ODR4: variants seen among roughly 807,000 people sequenced by gnomAD.
ODR4 encodes the protein odr-4 GPCR localization factor homolog.
In ODR4, 47 loss-of-function variants were observed where a neutral mutation model predicts 60.2. The ratio of observed to expected loss-of-function variants is 0.78; its 90% CI spans 0.62 to 1.00. The LOEUF is 1.00. Among genes scored for constraint, ODR4 ranks in the 50% least tolerant of loss-of-function variants. ODR4 has a pLI of 0.00. For missense variants in ODR4, 488 were observed against 530.8 expected (o/e 0.92, Z 0.79); for synonymous variants, 178 against 175.5 (o/e 1.01, Z -0.11).
intron 12 of ODR4, among the ~76,000 whole-genome samples, chr1:186,415,897 G>C (rs1037215091): frequency 2.0e-5 from 3 of 152,132 alleles, no homozygotes; most frequent in Admixed American, 2.0e-4. Flanking sequence ...AACCTCCCAG[G>C]TTATGTTTTC....
intron 9 of ODR4, among the ~76,000 whole-genome samples, chr1:186,396,759 A>AGATG (rs1553236029): frequency 6.6e-6 from 1 of 151,976 alleles, no homozygotes; most frequent in Non-Finnish European, 1.5e-5. Flanking sequence ...ATAGATAGAT[A>AGATG]TATGTATATA....
At chr1:186,418,208 T>G (rs1188840388) in intron 13 of ODR4, among the ~76,000 whole-genome samples, 1 of 152,096 alleles carries the variant, frequency 6.6e-6, no homozygotes, top group African/African-American at 2.4e-5. Flanking sequence ...TGTCATTCAT[T>G]AGATAAATTT....
intron 3 of ODR4, among the ~76,000 whole-genome samples, chr1:186,385,141 C>T (rs765383923): frequency 2.6e-5 from 4 of 151,726 alleles, no homozygotes; most frequent in Non-Finnish European, 4.4e-5. Context: ...TCTATGAATG[C>T]AGAAAGATGT....
chr1:186,382,937 T>C, intron 2 of ODR4, 85 bp from the exon 3 acceptor site: 1 of 1,383,614 alleles, frequency 7.2e-7, no homozygotes, highest in South Asian at 1.5e-5. Flanking sequence ...TTGCATGTCA[T>C]AAAAGCTAAG....
intron 8 of ODR4, among the ~76,000 whole-genome samples, chr1:186,393,466 GA>G (rs1190568812): frequency 6.6e-6 from 1 of 152,208 alleles, no homozygotes; most frequent in Non-Finnish European, 1.5e-5. Flanking sequence ...GAGGTTTATA[GA>G]GGCTTCTAAA....
At chr1:186,376,564 C>A (rs1371316732) in intron 1 of ODR4, among the ~76,000 whole-genome samples, 1 of 152,052 alleles carries the variant, frequency 6.6e-6, no homozygotes, top group Non-Finnish European at 1.5e-5. Context: ...TTCTCTAGTT[C>A]TTACTTTTGA....
the ODR4 span, among the ~76,000 whole-genome samples, chr1:186,432,186 A>G: frequency 1.3e-5 from 2 of 152,342 alleles, no homozygotes; most frequent in South Asian, 4.1e-4. Flanking sequence ...ACCTATAGCT[A>G]CAAACTGTGA....
At chr1:186,429,287 A>G in the ODR4 span, among the ~76,000 whole-genome samples, 2 of 152,104 alleles carry the variant, frequency 1.3e-5, no homozygotes, top group Admixed American at 6.6e-5. Context: ...AAAAAAGACA[A>G]TGAAAATGAA....
chr1:186,412,554 C>T (rs1213825399), intron 12 of ODR4, among the ~76,000 whole-genome samples: 1 of 151,954 alleles, frequency 6.6e-6, no homozygotes, highest in Non-Finnish European at 1.5e-5. Context: ...AACACATTCC[C>T]AAATAATAGA....
intron 2 of ODR4, among the ~76,000 whole-genome samples, chr1:186,380,406 G>A: frequency 6.6e-6 from 1 of 151,994 alleles, no homozygotes; most frequent in Admixed American, 6.6e-5. Flanking sequence ...GAGGGATTGG[G>A]AAAAATTTGG....
chr1:186,407,202 G>A (rs962668847), intron 12 of ODR4, among the ~76,000 whole-genome samples: 15 of 152,014 alleles, frequency 9.9e-5, no homozygotes, highest in African/African-American at 3.6e-4. Flanking sequence ...AAATAAAGAA[G>A]AGCTACTTTC....
chr1:186,422,542 G>A (rs1661811634), downstream of ODR4, among the ~76,000 whole-genome samples: 1 of 152,078 alleles, frequency 6.6e-6, no homozygotes, highest in African/African-American at 2.4e-5. Flanking sequence ...TAAGCATGAG[G>A]CAAGTCACAA....
At chr1:186,403,160 A>G (rs1661050230) in intron 11 of ODR4, among the ~76,000 whole-genome samples, 1 of 152,330 alleles carries the variant, frequency 6.6e-6, no homozygotes, top group East Asian at 1.9e-4. Flanking sequence ...TATTCCAACA[A>G]CATATTAGTT....
At chr1:186,423,731 A>G (rs1460267955), downstream of ODR4, among the ~76,000 whole-genome samples, 2 of 152,044 alleles carry the variant, frequency 1.3e-5, no homozygotes, top group Non-Finnish European at 2.9e-5. Context: ...CTGGGATTAC[A>G]GGTGTGAGCC....
Position 186,398,361 on chromosome 1 carries a change from G to A in ODR4, c.829G>A (p.Gly277Ser), listed in dbSNP as rs571147643. Residue 277 changes from glycine (G) to serine (S), a missense_variant, in exon 10 of 14, where the codon GGT becomes AGT. Transcript: ENST00000287859. Reference sequence around the variant, plus strand: ...CACAGCCACAGTCCAGATATGTAGCGGTTCTGTAAACCTTAAGGGTGCTGT... The same window carrying A: ...CACAGCCACAGTCCAGATATGTAGCAGTTCTGTAAACCTTAAGGGTGCTGT... ...RSTATVQICS[G>S]SVNLKGAVKC... 2.4e-5 allele frequency: 38 copies of A among 1,610,772 alleles called. No homozygotes were observed. In the South Asian group the frequency reaches 2.8e-4, roughly 12 times the overall value.
chr1:186,385,052 A>G (rs1411196907), intron 3 of ODR4, among the ~76,000 whole-genome samples: 3 of 152,112 alleles, frequency 2.0e-5, no homozygotes, highest in Non-Finnish European at 4.4e-5. Context: ...TCATGGTAGT[A>G]TGTATCAAAA....
chr1:186,422,911 A>C (rs538374205), downstream of ODR4, among the ~76,000 whole-genome samples: 3 of 152,332 alleles, frequency 2.0e-5, no homozygotes, highest in East Asian at 1.9e-4. Context: ...TAAAACGCAT[A>C]ATTGAACAAG....
At chr1:186,384,876 A>G (rs1441146281) in intron 3 of ODR4, among the ~76,000 whole-genome samples, 1 of 152,152 alleles carries the variant, frequency 6.6e-6, no homozygotes, top group Non-Finnish European at 1.5e-5. Flanking sequence ...GGATTAGAGC[A>G]TGGTACCTAA....
At chr1:186,383,238 G>A (rs1432571926) in intron 3 of ODR4, 82 bp downstream of exon 3, 11 of 1,410,172 alleles carry the variant, frequency 7.8e-6, no homozygotes, top group Non-Finnish European at 1.0e-5. Context: ...AATGAGTAGA[G>A]AGAAGAGACA....
Sources: gnomAD v4.1 joint callset for allele counts (sites outside exome capture counted in the v4.1 genomes callset) on GRCh38, gnomAD v4.1.1 for gene constraint, MANE v1.5 for transcripts, NCBI Gene and HGNC (gene_info 2026-07-23, HGNC 2026-07-21) for gene names.